ROBO2: variants seen among roughly 807,000 people sequenced by gnomAD.
ROBO2 encodes roundabout guidance receptor 2.
In ROBO2, 53 loss-of-function variants were observed where a neutral mutation model predicts 160.8. The ratio of observed to expected loss-of-function variants is 0.33; its 90% CI spans 0.26 to 0.41. The LOEUF (loss-of-function observed/expected upper bound fraction) is 0.41. Ranked by LOEUF, ROBO2 falls within the 10% of genes least tolerant of loss-of-function variation. ROBO2 has a pLI of 1.00. For synonymous variants in ROBO2, 664 were observed against 611.7 expected (o/e 1.09, Z -1.26); for missense variants, 1,577 against 1,722.4 (o/e 0.92, Z 1.49).
At chr3:77,541,030 A>G (rs190664866) in intron 6 of ROBO2, among the ~76,000 whole-genome samples, 1 of 152,344 alleles carries the variant, frequency 6.6e-6, no homozygotes, top group Admixed American at 6.5e-5. Flanking sequence ...AAGTAAATAT[A>G]TGAAATAGCA....
At chr3:77,279,422 C>T (rs912958071) in intron 2 of ROBO2, among the ~76,000 whole-genome samples, 2 of 152,088 alleles carry the variant, frequency 1.3e-5, no homozygotes, top group African/African-American at 2.4e-5. Context: ...AACAAATTAG[C>T]ATTTGAAAAA....
At chr3:77,035,149 T>C (rs1273549749), upstream of ROBO2, among the ~76,000 whole-genome samples, 1 of 151,928 alleles carries the variant, frequency 6.6e-6, no homozygotes, top group Admixed American at 6.6e-5. Context: ...GAGGTTATCA[T>C]CTTTGCTGCC....
At chr3:76,708,777 A>G (rs1019975402) in intron 2 of ROBO2, among the ~76,000 whole-genome samples, 10 of 152,192 alleles carry the variant, frequency 6.6e-5, no homozygotes, top group Non-Finnish European at 1.2e-4. Context: ...ATGGATGAAG[A>G]TGAGGGGATT....
At chr3:77,428,339 A>ATTTTTT (rs59725522) in intron 2 of ROBO2, among the ~76,000 whole-genome samples, 6 of 105,568 alleles carry the variant, frequency 5.7e-5, no homozygotes, top group African/African-American at 1.3e-4. Flanking sequence ...CTTAGGTAAT[A>ATTTTTT]TTTTTTTTTT....
At chr3:77,339,957 A>G (rs1468785227) in intron 2 of ROBO2, among the ~76,000 whole-genome samples, 1 of 152,076 alleles carries the variant, frequency 6.6e-6, no homozygotes, top group Non-Finnish European at 1.5e-5. Context: ...TTTGATGGCA[A>G]ATGAGATGCC....
intron 2 of ROBO2, among the ~76,000 whole-genome samples, chr3:76,499,247 C>T (rs1053475865): frequency 1.3e-5 from 2 of 152,078 alleles, no homozygotes; most frequent in Non-Finnish European, 2.9e-5. Flanking sequence ...ATAGGTAATG[C>T]CCTTTACTGA....
intron 2 of ROBO2, among the ~76,000 whole-genome samples, chr3:77,471,492 T>A (rs1414504526): frequency 1.3e-5 from 2 of 152,210 alleles, no homozygotes; most frequent in Admixed American, 1.3e-4. Context: ...AGCTGTTGGC[T>A]GGAAGCTGAC....
chr3:75,981,670 G>C (rs2107451409), intron 2 of ROBO2, among the ~76,000 whole-genome samples: 1 of 150,310 alleles, frequency 6.7e-6, no homozygotes, highest in East Asian at 2.0e-4. Context: ...ATATTTATGG[G>C]GCACATGAGA....
At chr3:76,240,448 G>A (rs1209005862) in intron 2 of ROBO2, among the ~76,000 whole-genome samples, 2 of 152,116 alleles carry the variant, frequency 1.3e-5, no homozygotes, top group African/African-American at 4.8e-5. Flanking sequence ...AATAGTTTCA[G>A]TGGGGATTTT....
At chr3:77,557,345 A>G (rs2093159988) in intron 8 of ROBO2, among the ~76,000 whole-genome samples, 1 of 151,984 alleles carries the variant, frequency 6.6e-6, no homozygotes, top group African/African-American at 2.4e-5. Flanking sequence ...CATCCAAATG[A>G]TATGACTGTA....
intron 2 of ROBO2, among the ~76,000 whole-genome samples, chr3:76,998,681 C>T (rs1039677173): frequency 6.6e-6 from 1 of 152,136 alleles, no homozygotes; most frequent in Non-Finnish European, 1.5e-5. Flanking sequence ...AAACCCTTCA[C>T]ATCGTGATAT....
At chr3:76,115,524 T>A (rs1330070037) in intron 2 of ROBO2, among the ~76,000 whole-genome samples, 1 of 152,120 alleles carries the variant, frequency 6.6e-6, no homozygotes, top group Non-Finnish European at 1.5e-5. Context: ...AGCTGCTTGG[T>A]ATGTAAAACT....
intron 2 of ROBO2, among the ~76,000 whole-genome samples, chr3:76,256,261 G>T (rs1341684975): frequency 1.3e-5 from 2 of 151,066 alleles, no homozygotes; most frequent in Middle Eastern, 3.4e-3. Context: ...AGTGAGCTGT[G>T]ATTGTGCCAC....
At chr3:76,822,364 A>G (rs933200338) in intron 2 of ROBO2, among the ~76,000 whole-genome samples, 1 of 151,996 alleles carries the variant, frequency 6.6e-6, no homozygotes, top group Non-Finnish European at 1.5e-5. Context: ...AAATTATTCC[A>G]TAAATATAGA....
intron 4 of ROBO2, among the ~76,000 whole-genome samples, chr3:77,485,874 A>G (rs1161876692): frequency 6.6e-6 from 1 of 152,050 alleles, no homozygotes; most frequent in Non-Finnish European, 1.5e-5. Context: ...GCACAGATTA[A>G]CCTATCACCT....
chr3:76,432,907 G>A (rs530634061), intron 2 of ROBO2, among the ~76,000 whole-genome samples: 1 of 150,512 alleles, frequency 6.6e-6, no homozygotes, highest in Admixed American at 6.6e-5. Flanking sequence ...AAGGGAGGGA[G>A]AAAAAGATGG....
At chr3:76,545,052 AT>A (rs909437065) in intron 2 of ROBO2, among the ~76,000 whole-genome samples, 10 of 151,308 alleles carry the variant, frequency 6.6e-5, no homozygotes, top group Non-Finnish European at 1.2e-4. Context: ...AACGAACTGG[AT>A]TTTTTTTTAC....
intron 2 of ROBO2, among the ~76,000 whole-genome samples, chr3:75,992,150 G>T (rs2065591240): frequency 6.6e-6 from 1 of 152,168 alleles, no homozygotes; most frequent in African/African-American, 2.4e-5. Flanking sequence ...GCAGAAATTT[G>T]CATAAGAAAC....
chr3:75,982,716 A>C (rs531472900), intron 2 of ROBO2, among the ~76,000 whole-genome samples: 2 of 151,654 alleles, frequency 1.3e-5, no homozygotes, highest in East Asian at 3.9e-4. Flanking sequence ...GGATGAATGC[A>C]AAAGTTTGGT....
Sources: gnomAD v4.1 joint callset for allele counts (sites outside exome capture counted in the v4.1 genomes callset) on GRCh38, gnomAD v4.1.1 for gene constraint, MANE v1.5 for transcripts, NCBI Gene and HGNC (gene_info 2026-07-23, HGNC 2026-07-21) for gene names.